Variants in IDH1 observed in about 807,000 individuals in gnomAD.
IDH1 encodes isocitrate dehydrogenase [NADP] cytoplasmic.
Under a neutral mutation model 46.1 loss-of-function variants are expected in IDH1, and 33 were observed. The ratio of observed to expected loss-of-function variants is 0.72; its 90% CI spans 0.54 to 0.96. IDH1 has a LOEUF of 0.96. Among genes scored for constraint, IDH1 ranks in the 40% least tolerant of loss-of-function variants. The probability of loss-of-function intolerance (pLI) is 0.00; values close to 1 mark genes in which losing one functional copy is unlikely to be tolerated. For synonymous variants in IDH1, 144 were observed against 172.8 expected (o/e 0.83, Z 1.31); for missense variants, 421 against 515.7 (o/e 0.82, Z 1.78).
At position 208,239,052 on chromosome 2, in the gene IDH1, T is replaced by A. The variant is rs1224495517; in HGVS notation, c.1154+19A>T. 6.2e-7 allele frequency: 1 copy of A among 1,610,346 alleles called. No individual in the cohort carries two copies. The highest frequency in any genetic ancestry group is 8.5e-7 in the Non-Finnish European group (1 of 1,176,790). On this transcript the variant is annotated intron_variant, in intron 9 of 9. Transcript: ENST00000345146. ...TAAGTGTTAATTTGACCATAGAAAC[T>A]AGGGCATCTTATACTTACTTGGGTA...
chr2:208,244,723 G>A (rs987793686), intron 5 of IDH1, among the ~76,000 whole-genome samples: 1 of 152,162 alleles, frequency 6.6e-6, no homozygotes, highest in Admixed American at 6.5e-5. Flanking sequence ...GTGAGTGTTG[G>A]GTATTTTTGT....
At position 208,237,164 on chromosome 2, in the gene IDH1, T is replaced by G; in HGVS notation, c.1160A>C (p.Gln387Pro). The G allele has an allele frequency of 6.3e-7, 1 of 1,577,224 alleles. No homozygotes were observed. The highest frequency in any genetic ancestry group is 8.6e-7 in the Non-Finnish European group (1 of 1,162,068). ...AACIKGLPNVQRSDYLNTFEF... is the reference protein window; with the variant it reads ...AACIKGLPNVPRSDYLNTFEF... ...AAATGTATTCAAGTAGTCAGAACGT[T>G]GCACACTAACGGGAAGGAAAAAAAA... Residue 387 changes from glutamine to proline, a missense_variant, in exon 10 of 10, where the codon CAA becomes CCA. Gln to Pro is a moderately conservative substitution (Grantham distance 76). Transcript: ENST00000345146.
rs1352590214 is a variant in IDH1, at chr2:208,248,219, TAC to T, written c.414+148_414+149del. 59 of 670,224 alleles carry T rather than the reference TAC, an allele frequency of 8.8e-5. No individual in the cohort carries two copies. In the Admixed American group the frequency reaches 1.5e-3, roughly 18 times the overall value. The allele number at this position is 670,224 out of a possible 1,614,324, so 41.5% of individuals were successfully genotyped here. On this transcript the variant is annotated intron_variant, in intron 4 of 9. Coordinates refer to ENST00000345146, the MANE Select transcript of IDH1 (RefSeq NM_005896.4). ...GCCTTTAGCTAAATGTGTGTAAATA[TAC>T]AGTTATACATATATGCATTTCTCAA...
intron 7 of IDH1, among the ~76,000 whole-genome samples, chr2:208,240,626 C>T (rs1041487746): frequency 5.3e-5 from 8 of 152,094 alleles, no homozygotes; most frequent in African/African-American, 1.9e-4. Flanking sequence ...TGCCCTTCCT[C>T]GCTCTCTTTC....
chr2:208,242,845 A>ACCT (rs1687946153), intron 6 of IDH1, among the ~76,000 whole-genome samples: 1 of 150,646 alleles, frequency 6.6e-6, no homozygotes, highest in African/African-American at 2.4e-5. Context: ...GCTCACTGCA[A>ACCT]CCTCCGCCTC....
intron 6 of IDH1, among the ~76,000 whole-genome samples, chr2:208,242,884 C>G (rs1163736188): frequency 6.6e-6 from 1 of 152,012 alleles, no homozygotes; most frequent in Non-Finnish European, 1.5e-5. Context: ...CCTGCCTCAG[C>G]CTCCCCAGTA....
At chr2:208,240,876 G>A (rs988897560) in intron 7 of IDH1, among the ~76,000 whole-genome samples, 2 of 152,168 alleles carry the variant, frequency 1.3e-5, no homozygotes, top group African/African-American at 4.8e-5. Context: ...GGAGAGTTGT[G>A]TAACTCATTT....
intron 9 of IDH1, among the ~76,000 whole-genome samples, 188 bp downstream of exon 9, chr2:208,238,883 T>C (rs1687865745): frequency 6.6e-6 from 1 of 152,214 alleles, no homozygotes; most frequent in Non-Finnish European, 1.5e-5. Context: ...AATAGTTGTG[T>C]AGTTGCAAAA....
chr2:208,250,235 A>C (rs1688097607), intron 3 of IDH1, among the ~76,000 whole-genome samples: 1 of 152,002 alleles, frequency 6.6e-6, no homozygotes, highest in Non-Finnish European at 1.5e-5. Flanking sequence ...AGCCATTATA[A>C]GGAAAAGAAC....
rs780146398 is a variant in IDH1, at chr2:208,237,066, C to G, written c.*13G>C. 2 of 1,451,326 alleles carry G rather than the reference C, an allele frequency of 1.4e-6. No homozygotes were observed. Among genetic ancestry groups the G allele is most frequent in the South Asian group, 2.3e-5 (2 of 86,782 alleles). The allele number at this position is 1,451,326 out of a possible 1,614,324, so 89.9% of individuals were successfully genotyped here. Reference sequence around the variant, plus strand: ...ACCAAAAGACAATTATCCTTCTTAGCTCAGGTATGAACTTAAAGTTTGGCC... The same window carrying G: ...ACCAAAAGACAATTATCCTTCTTAGGTCAGGTATGAACTTAAAGTTTGGCC... On this transcript the variant is annotated 3_prime_UTR_variant, in exon 10 of 10. Coordinates refer to ENST00000345146, the MANE Select transcript of IDH1 (RefSeq NM_005896.4).
chr2:208,244,568 T>C (rs1687982389), intron 5 of IDH1, among the ~76,000 whole-genome samples: 1 of 152,240 alleles, frequency 6.6e-6, no homozygotes, highest in African/African-American at 2.4e-5. Flanking sequence ...ACAACTATTA[T>C]TGAACTTTGT....
chr2:208,251,413 AG>A lies in IDH1; in HGVS notation c.122+16del, dbSNP rs764563398. ...TATCCTTTCTGAGTTTGCTACACGG[AG>A]GGGTAACTCATTTACCTATGTAGAT... On this transcript the variant is annotated intron_variant, in intron 3 of 9. Coordinates refer to ENST00000345146, the MANE Select transcript of IDH1 (RefSeq NM_005896.4). The A allele has an allele frequency of 9.3e-6, 15 of 1,611,964 alleles. No individual in the cohort carries two copies. In the South Asian group the frequency reaches 1.2e-4, roughly 13 times the overall value.
chr2:208,254,061 A>G (rs940557209), intron 1 of IDH1, 102 bp from the exon 2 acceptor site: 6 of 152,298 alleles, frequency 3.9e-5, no homozygotes, highest in African/African-American at 1.2e-4. Flanking sequence ...TCCGGTTTAA[A>G]GTACAGTGCT....
chr2:208,239,982 A>G lies in IDH1; in HGVS notation c.872T>C (p.Met291Thr), dbSNP rs141630472. The change falls in exon 8 of 10, where the codon ATG becomes ACG. Residue 291 changes from methionine (M) to threonine (T), a missense_variant. Physicochemically the swap from Met to Thr is moderately conservative, Grantham distance 81. Transcript: ENST00000345146. ...VAQGYGSLGM[M>T]TSVLVCPDGK... Reference sequence around the variant, plus strand: ...ATCTGGACAAACCAGCACGCTGGTCATCATGCCGAGAGAGCCATACCCTGT... The same window carrying G: ...ATCTGGACAAACCAGCACGCTGGTCGTCATGCCGAGAGAGCCATACCCTGT... 21 of 1,614,214 alleles carry G rather than the reference A, an allele frequency of 1.3e-5. No individual in the cohort carries two copies. Among genetic ancestry groups the G allele is most frequent in the Non-Finnish European group, 1.6e-5 (19 of 1,180,028 alleles).
At chr2:208,244,289 T>A (rs1377429010) in intron 5 of IDH1, among the ~76,000 whole-genome samples, 1 of 152,124 alleles carries the variant, frequency 6.6e-6, no homozygotes, top group Non-Finnish European at 1.5e-5. Context: ...TGCAGAACCA[T>A]GAGCCAATTA....
Position 208,243,621 on chromosome 2 carries a change from AGT to A in IDH1, c.521-19_521-18del, listed in dbSNP as rs745504857. On this transcript the variant is annotated intron_variant, in intron 5 of 9. Transcript: ENST00000345146. ...CACCACCTTCTGTAGAGGAGAAGCC[AGT>A]GAGAGGAAAAAAGGGAGAAGAATAA... The A allele has an allele frequency of 1.4e-5, 22 of 1,604,302 alleles. No homozygotes were observed. In the African/African-American group the frequency reaches 2.4e-4, roughly 18 times the overall value.
chr2:208,254,619 C>T (rs772697354), intron 1 of IDH1, among the ~76,000 whole-genome samples: 1 of 152,222 alleles, frequency 6.6e-6, no homozygotes, highest in African/African-American at 2.4e-5. Context: ...ATTCTTGCAA[C>T]TTCCACCCCT....
In IDH1 at chr2:208,239,858, CT is replaced by C. The variant is rs1687884497; in HGVS notation, c.991+4del. The C allele has an allele frequency of 6.2e-7, 1 of 1,613,916 alleles. No homozygotes were observed. The highest frequency in any genetic ancestry group is 1.3e-5 in the African/African-American group (1 of 74,936). ...GGTGAGAAATCAATGTAAACACCAT[CT>C]TACCAATGGGATTGGTGGACGTCTC... On this transcript the variant is annotated splice_donor_region_variant and intron_variant, in intron 8 of 9. Coordinates refer to ENST00000345146, the MANE Select transcript of IDH1 (RefSeq NM_005896.4).
At chr2:208,244,108 G>T (rs570317661) in intron 5 of IDH1, among the ~76,000 whole-genome samples, 4 of 152,312 alleles carry the variant, frequency 2.6e-5, no homozygotes, top group Non-Finnish European at 4.4e-5. Context: ...TTCTCGCTCA[G>T]TTAATTCACT....
Sources: gnomAD v4.1 joint callset for allele counts (sites outside exome capture counted in the v4.1 genomes callset) on GRCh38, gnomAD v4.1.1 for gene constraint, MANE v1.5 for transcripts, NCBI Gene and HGNC (gene_info 2026-07-23, HGNC 2026-07-21) for gene names.